The following ITGBL1 variants were observed in gnomAD, a reference collection of about 807,000 sequenced individuals.
ITGBL1 encodes integrin subunit beta like 1.
A neutral mutation model predicts 68.5 loss-of-function variants in ITGBL1; 51 were observed. The observed-to-expected ratio is 0.74, with a 90% CI of 0.59 to 0.94. ITGBL1 has a LOEUF of 0.94. Ranked by LOEUF, ITGBL1 falls within the 40% of genes least tolerant of loss-of-function variation. The pLI, the probability that ITGBL1 is intolerant of heterozygous loss-of-function variation, is 0.00. For synonymous variants in ITGBL1, 209 were observed against 227.3 expected (o/e 0.92, Z 0.72); for missense variants, 649 against 647.4 (o/e 1.00, Z -0.03).
intron 2 of ITGBL1, among the ~76,000 whole-genome samples, chr13:101,482,860 A>G (rs1337726310): frequency 2.0e-5 from 3 of 152,154 alleles, no homozygotes. Context: ...TGATTCTTGA[A>G]TCAGCAGCAC....
At chr13:101,606,174 T>TATATATATATATA (rs1555361917) in intron 7 of ITGBL1, among the ~76,000 whole-genome samples, 60 of 138,046 alleles carry the variant, frequency 4.3e-4, no homozygotes, top group African/African-American at 1.5e-3. Flanking sequence ...ATTAGGATTT[T>TATATATATATATA]TATATATATA....
At chr13:101,655,189 A>T (rs1382640977) in intron 7 of ITGBL1, among the ~76,000 whole-genome samples, 1 of 152,178 alleles carries the variant, frequency 6.6e-6, no homozygotes, top group African/African-American at 2.4e-5. Flanking sequence ...AAAGAGGAGA[A>T]TTAATTCATC....
intron 7 of ITGBL1, among the ~76,000 whole-genome samples, chr13:101,618,909 C>A (rs1429750201): frequency 6.6e-6 from 1 of 152,044 alleles, no homozygotes; most frequent in East Asian, 1.9e-4. Context: ...ATGAAATGGT[C>A]AGGTTTGAAC....
intron 7 of ITGBL1, among the ~76,000 whole-genome samples, chr13:101,638,433 A>T (rs1566769266): frequency 1.9e-5 from 1 of 53,358 alleles, no homozygotes; most frequent in South Asian, 5.7e-4. Flanking sequence ...TTCTTAAAAA[A>T]TAAAAAAAAA....
chr13:101,690,433 C>T (rs918640959), intron 7 of ITGBL1, among the ~76,000 whole-genome samples: 14 of 152,074 alleles, frequency 9.2e-5, no homozygotes, highest in Admixed American at 5.9e-4. Context: ...TACCCTGAAA[C>T]GTAGAAACTG....
intron 7 of ITGBL1, among the ~76,000 whole-genome samples, chr13:101,656,732 A>G (rs576130246): frequency 7.9e-5 from 12 of 152,320 alleles, no homozygotes; most frequent in South Asian, 2.1e-4. Flanking sequence ...ATAGATAACT[A>G]ATCTTCACCT....
At chr13:101,497,123 A>G (rs976693008) in intron 2 of ITGBL1, among the ~76,000 whole-genome samples, 2 of 152,212 alleles carry the variant, frequency 1.3e-5, no homozygotes, top group African/African-American at 4.8e-5. Context: ...TCCTTACAGG[A>G]TGAGAGAAGC....
In ITGBL1 at chr13:101,642,582, T is replaced by C. The variant is rs573268729; in HGVS notation, c.1015+44283T>C. Among the ~76,000 whole-genome samples the C allele has an allele frequency of 1.3e-3, 203 of 152,286 alleles. 3 individuals are homozygous for C. The highest frequency in any genetic ancestry group is 3.2e-4 in the Non-Finnish European group (22 of 68,038). ...CTGTAGTTTAATTAGATGCCATTTG[T>C]CAGTTTTGGCTTTTGTTGCCATTGC... On this transcript the variant is annotated intron_variant, in intron 7 of 10. Transcript: ENST00000376180.
Position 101,706,742 on chromosome 13 carries a change from T to C in ITGBL1, c.1133-14T>C. Reference sequence around the variant, plus strand: ...TCCTCATCCTCTCACTCCTTTCCTGTGGTTGCTTCACAGGCCACGGCACAT... The same window carrying C: ...TCCTCATCCTCTCACTCCTTTCCTGCGGTTGCTTCACAGGCCACGGCACAT... On this transcript the variant is annotated splice_polypyrimidine_tract_variant and intron_variant, in intron 8 of 10. Transcript: ENST00000376180. 6.2e-7 allele frequency: 1 copy of C among 1,612,010 alleles called. No homozygotes were observed. Among genetic ancestry groups the C allele is most frequent in the Non-Finnish European group, 8.5e-7 (1 of 1,178,544 alleles).
At chr13:101,656,243 C>T (rs2032920331) in intron 7 of ITGBL1, among the ~76,000 whole-genome samples, 1 of 152,076 alleles carries the variant, frequency 6.6e-6, no homozygotes, top group Non-Finnish European at 1.5e-5. Flanking sequence ...CAAAGGTTTC[C>T]CATTCAGATC....
rs148096574 is a variant in ITGBL1, at chr13:101,530,274, GGAGA to G, written c.317-37417_317-37414del. On this transcript the variant is annotated intron_variant, in intron 2 of 10. Transcript: ENST00000376180. ...ATATAGAGAGAGAGAGAGCGCGAGG[GGAGA>G]GAGAGAGTAGTGATGGACAATCAAA... Among the ~76,000 whole-genome samples the G allele has an allele frequency of 8.7e-3, 1,322 of 152,012 alleles. 20 individuals are homozygous for G. The highest frequency in any genetic ancestry group is 0.03 in the African/African-American group (1,246 of 41,456).
At chr13:101,520,411 G>A (rs568153324) in intron 2 of ITGBL1, among the ~76,000 whole-genome samples, 1 of 152,182 alleles carries the variant, frequency 6.6e-6, no homozygotes, top group South Asian at 2.1e-4. Context: ...TTCAGGCCCA[G>A]TTTTTTAAAT....
chr13:101,561,201 G>A (rs1304776579), intron 2 of ITGBL1, among the ~76,000 whole-genome samples: 1 of 152,110 alleles, frequency 6.6e-6, no homozygotes, highest in Non-Finnish European at 1.5e-5. Flanking sequence ...CAGAATTTGA[G>A]AGAGCCCAAA....
chr13:101,588,567 T>C (rs924463570), intron 6 of ITGBL1, among the ~76,000 whole-genome samples: 10 of 152,262 alleles, frequency 6.6e-5, no homozygotes, highest in African/African-American at 2.4e-4. Context: ...AATTGATCTT[T>C]TTTTAGTTCT....
chr13:101,583,424 A>T, intron 6 of ITGBL1, 68 bp downstream of exon 6: 1 of 1,336,992 alleles, frequency 7.5e-7, no homozygotes. Context: ...TAAAAAAAAA[A>T]AAAAAGCAAT....
At chr13:101,663,389 A>G (rs1013641158) in intron 7 of ITGBL1, among the ~76,000 whole-genome samples, 11 of 152,170 alleles carry the variant, frequency 7.2e-5, no homozygotes, top group South Asian at 2.1e-4. Flanking sequence ...CTCTTTGTGC[A>G]GAAAACAAGG....
chr13:101,569,710 G>A (rs1465003184), intron 3 of ITGBL1, among the ~76,000 whole-genome samples: 1 of 152,136 alleles, frequency 6.6e-6, no homozygotes, highest in Non-Finnish European at 1.5e-5. Flanking sequence ...GGATTTGTCT[G>A]ATGTCTCCCC....
chr13:101,683,058 C>T (rs1243206242), intron 7 of ITGBL1, among the ~76,000 whole-genome samples: 1 of 151,956 alleles, frequency 6.6e-6, no homozygotes, highest in African/African-American at 2.4e-5. Flanking sequence ...TTGAATAATC[C>T]ATTATGCCCA....
intron 2 of ITGBL1, among the ~76,000 whole-genome samples, chr13:101,474,942 GC>G (rs1200463891): frequency 6.6e-6 from 1 of 152,186 alleles, no homozygotes; most frequent in Non-Finnish European, 1.5e-5. Flanking sequence ...CCCTTTGAAT[GC>G]TTGGAAATCC....
Sources: allele counts gnomAD v4.1 joint callset (sites outside exome capture counted in the v4.1 genomes callset), GRCh38; gene constraint gnomAD v4.1.1; transcripts MANE v1.5; gene names NCBI Gene and HGNC (gene_info 2026-07-23, HGNC 2026-07-21).